Variants in AK7 observed in about 807,000 individuals in gnomAD.
The protein encoded by AK7 is adenylate kinase 7, also known as ATP-AMP transphosphorylase 7.
AK7 carries 78 observed loss-of-function variants against 96.6 expected under a neutral mutation model. The ratio of observed to expected loss-of-function variants is 0.81; its 90% CI spans 0.67 to 0.97. The LOEUF is 0.97. Ranked by LOEUF, AK7 falls within the 50% of genes least tolerant of loss-of-function variation. AK7 has a pLI of 0.00. For missense variants in AK7, 855 were observed against 887.9 expected (o/e 0.96, Z 0.47); for synonymous variants, 302 against 317.2 (o/e 0.95, Z 0.51).
intron 12 of AK7, among the ~76,000 whole-genome samples, chr14:96,471,116 G>C (rs1257608004): frequency 6.6e-6 from 1 of 152,040 alleles, no homozygotes. Flanking sequence ...AGGATTGCTT[G>C]AGGCCAGGAG....
chr14:96,420,734 T>A, intron 4 of AK7, 88 bp from the exon 5 acceptor site: 1 of 940,854 alleles, frequency 1.1e-6, no homozygotes, highest in Non-Finnish European at 1.6e-6. Context: ...TAAGCTTTAT[T>A]TGAGCTTAAA....
intron 5 of AK7, among the ~76,000 whole-genome samples, chr14:96,432,716 G>A (rs568781740): frequency 4.6e-5 from 7 of 151,904 alleles, no homozygotes; most frequent in Non-Finnish European, 1.0e-4. Flanking sequence ...CAGGCGCGGT[G>A]GCTCATGCCT....
Position 96,422,077 on chromosome 14 carries a change from G to C in AK7, c.609+1145G>C, listed in dbSNP as rs146528273. ...GTCCCGTGGTGCCAACAATGCACTG[G>C]ATATACCAGCATTTATTATTAAGTT... On this transcript the variant is annotated intron_variant, in intron 5 of 17. Transcript: ENST00000267584. Among the ~76,000 whole-genome samples, 221 of 152,330 alleles carry C rather than the reference G, an allele frequency of 1.5e-3. 1 individual carries two copies. Among genetic ancestry groups the C allele is most frequent in the African/African-American group, 4.9e-3 (202 of 41,572 alleles).
At position 96,408,942 on chromosome 14, in the gene AK7, G is replaced by A. The variant is rs377123131; in HGVS notation, c.498+1G>A. ...GGCGCGCTCCAAAGCCCTGGACCCCGTAAGTAGAGCGTTAGCTTTCCTTTA... is the reference window on the plus strand; with the variant it reads ...GGCGCGCTCCAAAGCCCTGGACCCCATAAGTAGAGCGTTAGCTTTCCTTTA... On this transcript the variant is annotated splice_donor_variant, in intron 4 of 17. Transcript: ENST00000267584. LOFTEE classifies it high-confidence loss of function. The A allele has an allele frequency of 1.5e-5, 25 of 1,613,864 alleles. No homozygotes were observed. The highest frequency in any genetic ancestry group is 2.2e-5 in the East Asian group (1 of 44,872).
chr14:96,423,533 G>A (rs557482237), intron 5 of AK7, among the ~76,000 whole-genome samples: 15 of 152,178 alleles, frequency 9.9e-5, no homozygotes, highest in Admixed American at 2.6e-4. Context: ...GAATGATAAA[G>A]GCCAGGCAGC....
At chr14:96,415,002 G>A (rs1891247779) in intron 4 of AK7, among the ~76,000 whole-genome samples, 1 of 151,984 alleles carries the variant, frequency 6.6e-6, no homozygotes, top group Admixed American at 6.6e-5. Flanking sequence ...TAACCCACCT[G>A]CCTTGGCCTC....
intron 4 of AK7, among the ~76,000 whole-genome samples, chr14:96,418,022 C>T (rs916020891): frequency 6.6e-6 from 1 of 151,992 alleles, no homozygotes; most frequent in Non-Finnish European, 1.5e-5. Context: ...TGCAGTCCTG[C>T]TTTAAAAGTG....
At chr14:96,450,478 G>T (rs1425740235) in intron 9 of AK7, among the ~76,000 whole-genome samples, 4 of 149,982 alleles carry the variant, frequency 2.7e-5, no homozygotes, top group Non-Finnish European at 5.9e-5. Context: ...GAAGCTATTT[G>T]ATACGTAAAA....
chr14:96,414,571 A>G (rs1891215421), intron 4 of AK7, among the ~76,000 whole-genome samples: 1 of 152,112 alleles, frequency 6.6e-6, no homozygotes, highest in Admixed American at 6.6e-5. Flanking sequence ...CCTGAAAAGG[A>G]AGGCCACACA....
chr14:96,460,547 C>G (rs969931940), intron 12 of AK7, among the ~76,000 whole-genome samples: 3 of 152,192 alleles, frequency 2.0e-5, no homozygotes, highest in African/African-American at 7.2e-5. Context: ...CTACTGAGAA[C>G]TGCCCACTGC....
At chr14:96,470,865 G>A (rs997536732) in intron 12 of AK7, among the ~76,000 whole-genome samples, 39 of 152,216 alleles carry the variant, frequency 2.6e-4, no homozygotes, top group African/African-American at 8.4e-4. Flanking sequence ...GCGGGCGGGC[G>A]GAGCTCTCTG....
Position 96,456,340 on chromosome 14 carries a change from C to G in AK7, c.1099-7C>G, listed in dbSNP as rs748610351. The G allele has an allele frequency of 6.3e-7, 1 of 1,586,510 alleles. No homozygotes were observed. The highest frequency in any genetic ancestry group is 1.4e-5 in the African/African-American group (1 of 73,892). ...TGCTGTATGTTCCTTACTCTCTCCT[C>G]TTTCAGCCAATCAAGATCTGCATTC... On this transcript the variant is annotated splice_polypyrimidine_tract_variant and splice_region_variant and intron_variant, in intron 10 of 17. Transcript: ENST00000267584.
chr14:96,411,632 TAATA>T (rs1414366473), intron 4 of AK7, among the ~76,000 whole-genome samples: 1 of 152,192 alleles, frequency 6.6e-6, no homozygotes, highest in Non-Finnish European at 1.5e-5. Flanking sequence ...ATTAATGAAG[TAATA>T]AATAATATTT....
intron 4 of AK7, among the ~76,000 whole-genome samples, chr14:96,416,247 T>C (rs1394068438): frequency 6.6e-6 from 1 of 151,582 alleles, no homozygotes; most frequent in African/African-American, 2.4e-5. Flanking sequence ...ATTAGCTGGG[T>C]GTGGTGGTGT....
chr14:96,404,276 T>C (rs1890584505), intron 2 of AK7, among the ~76,000 whole-genome samples: 1 of 152,184 alleles, frequency 6.6e-6, no homozygotes, highest in African/African-American at 2.4e-5. Flanking sequence ...TATTCCCGGC[T>C]GTCAACTGTA....
At chr14:96,456,647 C>G in intron 11 of AK7, 172 bp downstream of exon 11, 1 of 652,662 alleles carries the variant, frequency 1.5e-6, no homozygotes, top group Non-Finnish European at 2.5e-6. Context: ...TCTGGCTTCT[C>G]TTCCCCCTCA....
intron 7 of AK7, 74 bp from the exon 8 acceptor site, chr14:96,446,443 G>A: frequency 7.9e-7 from 1 of 1,263,128 alleles, no homozygotes; most frequent in South Asian, 1.2e-5. Flanking sequence ...TGGGGGTGGT[G>A]GTCAGTGAAT....
Position 96,449,923 on chromosome 14 carries a change from A to G in AK7, c.948+44A>G, listed in dbSNP as rs756130647. On this transcript the variant is annotated intron_variant, in intron 9 of 17. Transcript: ENST00000267584. Reference sequence around the variant, plus strand: ...TTTTTTTTTTTAACTATCTTTCTCAATAATATGGAGTATTGTTATTTTTTT... The same window carrying G: ...TTTTTTTTTTTAACTATCTTTCTCAGTAATATGGAGTATTGTTATTTTTTT... The G allele has an allele frequency of 9.6e-6, 13 of 1,358,126 alleles. No homozygotes were observed. The African/African-American group carries it at 1.0e-4, about 11-fold the overall frequency. 84.1% of individuals were successfully genotyped at this position (1,358,126 alleles called of 1,614,324 possible). A position where few individuals can be genotyped will look rare whatever the true frequency, so the allele number is the denominator to read the frequency against.
At chr14:96,413,817 G>A (rs1410969194) in intron 4 of AK7, among the ~76,000 whole-genome samples, 1 of 152,138 alleles carries the variant, frequency 6.6e-6, no homozygotes, top group East Asian at 1.9e-4. Flanking sequence ...AAATGCTACT[G>A]GCTTCCTGTC....
Sources: gnomAD v4.1 joint callset for allele counts (sites outside exome capture counted in the v4.1 genomes callset) on GRCh38, gnomAD v4.1.1 for gene constraint, MANE v1.5 for transcripts, NCBI Gene and HGNC (gene_info 2026-07-23, HGNC 2026-07-21) for gene names.